PICK1: variants seen among roughly 807,000 people sequenced by gnomAD.
PICK1 encodes protein interacting with PRKCA 1.
A neutral mutation model predicts 48.9 loss-of-function variants in PICK1; 23 were observed. The ratio of observed to expected loss-of-function variants is 0.47; its 90% CI spans 0.34 to 0.67. The LOEUF is 0.67. Among genes scored for constraint, PICK1 ranks in the 30% least tolerant of loss-of-function variants. PICK1 has a pLI of 0.01. For missense variants in PICK1, 423 were observed against 557.1 expected, an observed-to-expected ratio of 0.76 and a Z score of 2.42; for synonymous variants, 217 against 228.2, an observed-to-expected ratio of 0.95 and a Z score of 0.44.
chr22:38,075,355 C>A lies in PICK1; in HGVS notation c.*223C>A. 1.8e-6 allele frequency: 1 copy of A among 550,478 alleles called. No individual in the cohort carries two copies. Among genetic ancestry groups the A allele is most frequent in the Non-Finnish European group, 3.2e-6 (1 of 311,076 alleles). 34.1% of individuals were successfully genotyped at this position (550,478 alleles called of 1,614,324 possible). On this transcript the variant is annotated 3_prime_UTR_variant, in exon 13 of 13. Transcript: ENST00000356976. The stretch of plus-strand genomic sequence containing the variant: ...CACTGGCCCCTCCACCCTCCCTCCC[C>A]TCCCGGCTCCCCGGCCAGAGGGAGA...
At chr22:38,071,653 C>T in intron 7 of PICK1, 29 bp from the exon 8 acceptor site, 2 of 1,602,488 alleles carry the variant, frequency 1.2e-6, no homozygotes, top group Non-Finnish European at 1.7e-6. Context: ...CATGCGTCCC[C>T]ATTCCGCATC....
intron 8 of PICK1, 117 bp downstream of exon 8, chr22:38,071,861 C>A: frequency 1.1e-6 from 1 of 888,588 alleles, no homozygotes; most frequent in Non-Finnish European, 1.9e-6. Context: ...CTGGGCTGGG[C>A]CTGGTCCCAG....
rs1555957627 is a variant in PICK1, at chr22:38,075,538, G to A, written c.*406G>A. ...GCCAGCCGTGGACAGCTGAGGTTGG[G>A]GTCAATGCCTCCTGGGCACCCTTGC... On this transcript the variant is annotated 3_prime_UTR_variant, in exon 13 of 13. Coordinates refer to ENST00000356976, the MANE Select transcript of PICK1 (RefSeq NM_012407.4). 11 of 197,386 alleles carry A rather than the reference G, an allele frequency of 5.6e-5. No individual in the cohort carries two copies. In the East Asian group the frequency reaches 9.1e-4, roughly 16 times the overall value. The allele number at this position is 197,386 out of a possible 1,614,324, so 12.2% of individuals were successfully genotyped here. A position where few individuals can be genotyped will look rare whatever the true frequency, so the allele number is the denominator to read the frequency against.
chr22:38,063,746 G>A (rs1601942508), intron 3 of PICK1, among the ~76,000 whole-genome samples: 1 of 150,276 alleles, frequency 6.7e-6, no homozygotes, highest in African/African-American at 2.5e-5. Context: ...AGGCTCAAGC[G>A]ATCCTCCCAC....
chr22:38,071,205 G>A (rs1180152835), intron 7 of PICK1, among the ~76,000 whole-genome samples: 3 of 152,068 alleles, frequency 2.0e-5, no homozygotes, highest in Non-Finnish European at 4.4e-5. Flanking sequence ...AAATTAGCCA[G>A]GCATGATGGT....
chr22:38,072,974 C>A, intron 9 of PICK1, 26 bp from the exon 10 acceptor site: 1 of 1,521,308 alleles, frequency 6.6e-7, no homozygotes, highest in Non-Finnish European at 9.1e-7. Context: ...CCGTGACAGC[C>A]TCAGCATCCA....
intron 5 of PICK1, chr22:38,067,994 T>C: frequency 3.1e-6 from 2 of 651,490 alleles, no homozygotes; most frequent in Non-Finnish European, 2.9e-6. Flanking sequence ...GGTTTCTCAC[T>C]CCCCCGCGTT....
At position 38,074,166 on chromosome 22, in the gene PICK1, A is replaced by C; in HGVS notation, c.835-141A>C. 9.6e-7 allele frequency: 1 copy of C among 1,038,584 alleles called. No homozygotes were observed. Among genetic ancestry groups the C allele is most frequent in the Admixed American group, 2.1e-5 (1 of 46,968 alleles). 64.3% of individuals were successfully genotyped at this position (1,038,584 alleles called of 1,614,324 possible). A position where few individuals can be genotyped will look rare whatever the true frequency, so the allele number is the denominator to read the frequency against. On this transcript the variant is annotated intron_variant, in intron 11 of 12. Transcript: ENST00000356976. This position sits in a 1 kb window ranked among gnomAD's most constrained non-coding sequence, Gnocchi z 4.5. ...TTGGGTTTGGTTTTTTCCTCTCTTC[A>C]AAGCTATCACTGAGTGCTTCTGAGA...
chr22:38,073,897 C>A lies in PICK1; in HGVS notation c.834+74C>A. The A allele has an allele frequency of 2.1e-6, 3 of 1,450,164 alleles. No homozygotes were observed. The highest frequency in any genetic ancestry group is 1.1e-5 in the South Asian group (1 of 87,920). 89.8% of individuals were successfully genotyped at this position (1,450,164 alleles called of 1,614,324 possible). A position where few individuals can be genotyped will look rare whatever the true frequency, so the allele number is the denominator to read the frequency against. The stretch of plus-strand genomic sequence containing the variant: ...GCCAGGGATAGCAGGTGGCTCAGGC[C>A]AACCCGGGAGAGACCGGGGGGACTT... On this transcript the variant is annotated intron_variant, in intron 11 of 12. Transcript: ENST00000356976. This position sits in a 1 kb window ranked among gnomAD's most constrained non-coding sequence, Gnocchi z 5.7.
At chr22:38,067,003 G>A (rs1328713405) in intron 4 of PICK1, among the ~76,000 whole-genome samples, 6 of 152,230 alleles carry the variant, frequency 3.9e-5, no homozygotes, top group Non-Finnish European at 7.3e-5. Context: ...TGTGCTGTTC[G>A]ATGAGTAGAG....
intron 7 of PICK1, among the ~76,000 whole-genome samples, 176 bp downstream of exon 7, chr22:38,071,067 C>G (rs2085669448): frequency 6.6e-6 from 1 of 152,186 alleles, no homozygotes; most frequent in Non-Finnish European, 1.5e-5. Flanking sequence ...AACTCAGGGG[C>G]CTGGTGCAGT....
rs1231900826 is a variant in PICK1 at position 38,073,038 on chromosome 22, C to T, written c.729C>T (p.Ile243=). 2.5e-6 allele frequency: 4 copies of T among 1,613,936 alleles called. No individual in the cohort carries two copies. Among genetic ancestry groups the T allele is most frequent in the African/African-American group, 2.7e-5 (2 of 75,054 alleles). Reference sequence around the variant, plus strand: ...TGAACACGTACCTCAACAAAGCCATCCCGGACACTCGCCTCACCATCAAGA... The same window carrying T: ...TGAACACGTACCTCAACAAAGCCATTCCGGACACTCGCCTCACCATCAAGA... The part of the protein sequence containing the change: ...TDLNTYLNKA[I]PDTRLTIKKY... The change falls in exon 10 of 13, where the codon ATC becomes ATT. Residue 243 remains isoleucine, a synonymous_variant. Transcript: ENST00000356976. The surrounding 1 kb of genome is among the most constrained non-coding windows in gnomAD (Gnocchi z 5.7).
chr22:38,065,695 C>G (rs150654664), intron 4 of PICK1, among the ~76,000 whole-genome samples: 24 of 152,204 alleles, frequency 1.6e-4, no homozygotes, highest in African/African-American at 4.6e-4. Context: ...CGCTTTCCCC[C>G]ACCCCTGCCG....
Position 38,074,423 on chromosome 22 carries a change from G to C in PICK1, c.951G>C (p.Glu317Asp). 6.2e-7 allele frequency: 1 copy of C among 1,613,226 alleles called. No homozygotes were observed. The highest frequency in any genetic ancestry group is 2.2e-5 in the East Asian group (1 of 44,880). The change falls in exon 12 of 13, where the codon GAG (glutamate) becomes GAC (aspartate). Residue 317 changes from glutamate to aspartate, a missense_variant. Around this residue, in one of 2 missense-constraint regions of PICK1, gnomAD observed 144 missense variants for 139.3 expected, o/e 1.03. Coordinates refer to ENST00000356976, the MANE Select transcript of PICK1 (RefSeq NM_012407.4). The surrounding 1 kb of genome is among the most constrained non-coding windows in gnomAD (Gnocchi z 4.5). ...CCCAGATGCGCAAGGATGTGCTGGA[G>C]AAGATGGAGCTGCTGGACCAGAAGC... is the stretch of plus-strand genomic sequence containing the variant. ...RFSQMRKDVL[E>D]KMELLDQKHV...
intron 9 of PICK1, 83 bp from the exon 10 acceptor site, chr22:38,072,917 A>G: frequency 1.1e-6 from 1 of 944,496 alleles, no homozygotes; most frequent in Admixed American, 1.7e-5. Flanking sequence ...GTCCACCAAC[A>G]AGGGTGACGC....
In PICK1 at chr22:38,073,198, G is replaced by A; in HGVS notation, c.783+106G>A. 1 of 798,478 alleles carries A rather than the reference G, an allele frequency of 1.3e-6. No individual in the cohort carries two copies. The highest frequency in any genetic ancestry group is 1.4e-5 in the South Asian group (1 of 72,378). 49.5% of individuals were successfully genotyped at this position (798,478 alleles called of 1,614,324 possible). ...CCAGCGAGGCCAGCCAGAGCTGACA[G>A]CATGTCTGCTCCAGGTGTGGGCCCA... On this transcript the variant is annotated intron_variant, in intron 10 of 12. Coordinates refer to ENST00000356976, the MANE Select transcript of PICK1 (RefSeq NM_012407.4). This position sits in a 1 kb window ranked among gnomAD's most constrained non-coding sequence, Gnocchi z 5.7.
At chr22:38,067,438 A>G in intron 4 of PICK1, 2 of 407,466 alleles carry the variant, frequency 4.9e-6, no homozygotes, top group Non-Finnish European at 4.7e-6. Flanking sequence ...CCTCCTGAGC[A>G]GCTGGGATTA....
chr22:38,063,194 T>C (rs1025137231), intron 3 of PICK1, among the ~76,000 whole-genome samples: 3 of 151,928 alleles, frequency 2.0e-5, no homozygotes, highest in African/African-American at 7.3e-5. Context: ...TCTTGCTCTG[T>C]CGCCCAGGCT....
chr22:38,059,484 T>C (rs2085347771), intron 3 of PICK1, 139 bp downstream of exon 3: 6 of 686,112 alleles, frequency 8.7e-6, no homozygotes, highest in Non-Finnish European at 1.6e-5. Context: ...TCTGACCACC[T>C]GCGCTGCGTT....
Sources: allele counts gnomAD v4.1 joint callset (sites outside exome capture counted in the v4.1 genomes callset), GRCh38; gene constraint gnomAD v4.1.1; regional missense constraint gnomAD v4.1.1; non-coding constraint Gnocchi (gnomAD v3.1); transcripts MANE v1.5; gene names NCBI Gene and HGNC (gene_info 2026-07-23, HGNC 2026-07-21).